The following RNF150 variants were observed in gnomAD, a reference collection of about 807,000 sequenced individuals.
RNF150 encodes ring finger protein 150.
Under a neutral mutation model 39.3 loss-of-function variants are expected in RNF150, and 24 were observed. The ratio of observed to expected loss-of-function variants is 0.61; its 90% confidence interval spans 0.44 to 0.86. The LOEUF (loss-of-function observed/expected upper bound fraction) is 0.86, where lower values mean the gene tolerates loss of function less well. Ranked by LOEUF, RNF150 falls within the 40% of genes least tolerant of loss-of-function variation. The pLI is 0.00. For synonymous variants in RNF150, 255 were observed against 227.3 expected (o/e 1.12, Z -1.10); for missense variants, 502 against 587.8 (o/e 0.85, Z 1.51).
chr4:141,116,252 G>C (rs1340805776), intron 1 of RNF150, among the ~76,000 whole-genome samples: 3 of 152,128 alleles, frequency 2.0e-5, no homozygotes, highest in African/African-American at 7.2e-5. Flanking sequence ...ATATGACAAA[G>C]GGCTAATATC....
At chr4:140,927,687 C>T (rs1368987523) in intron 4 of RNF150, among the ~76,000 whole-genome samples, 6 of 150,050 alleles carry the variant, frequency 4.0e-5, no homozygotes, top group African/African-American at 4.9e-5. Context: ...TTTGCTCTGC[C>T]GCCCAGGCTG....
chr4:141,166,510 T>A (rs145783120), intron 1 of RNF150, among the ~76,000 whole-genome samples: 3 of 152,158 alleles, frequency 2.0e-5, no homozygotes, highest in African/African-American at 7.2e-5. Context: ...TTCAGGCTAA[T>A]ATCCCTGATG....
chr4:141,179,603 G>A (rs1405117016), intron 1 of RNF150, among the ~76,000 whole-genome samples: 1 of 152,068 alleles, frequency 6.6e-6, no homozygotes, highest in Non-Finnish European at 1.5e-5. Flanking sequence ...ATGAGATTTG[G>A]GGAGATTTGT....
At chr4:141,179,650 C>A (rs1355034677) in intron 1 of RNF150, among the ~76,000 whole-genome samples, 1 of 152,124 alleles carries the variant, frequency 6.6e-6, no homozygotes, top group East Asian at 1.9e-4. Flanking sequence ...TGGATGGCCA[C>A]AGACAGAAAT....
chr4:141,020,439 A>G (rs1735450482), intron 1 of RNF150, among the ~76,000 whole-genome samples: 1 of 152,118 alleles, frequency 6.6e-6, no homozygotes, highest in Admixed American at 6.6e-5. Flanking sequence ...AATCCAACTT[A>G]ATCTCTGCTA....
At chr4:140,988,506 T>C (rs1348513470) in intron 1 of RNF150, among the ~76,000 whole-genome samples, 2 of 152,100 alleles carry the variant, frequency 1.3e-5, no homozygotes, top group East Asian at 3.9e-4. Context: ...TATTTTATTA[T>C]ACTTTAAGTT....
chr4:140,977,012 C>T (rs962777950), intron 1 of RNF150, among the ~76,000 whole-genome samples: 6 of 152,054 alleles, frequency 3.9e-5, no homozygotes, highest in Non-Finnish European at 8.8e-5. Flanking sequence ...CTCCCACCCA[C>T]ATTCTAAATC....
Position 141,178,056 on chromosome 4 carries a change from A to G in RNF150, c.-6+34738T>C, listed in dbSNP as rs577364510. ...GGTCAGTTTGATTAGCAGGAAGTAA[A>G]CTAAAAATCTCTAGATTTCATTAAA... On this transcript the variant is annotated intron_variant, in intron 1 of 7. Transcript: ENST00000420921. Among the ~76,000 whole-genome samples the G allele has an allele frequency of 4.6e-5, 7 of 152,310 alleles. No homozygotes were observed. In the South Asian group the frequency reaches 1.0e-3, roughly 23 times the overall value.
At chr4:140,970,190 C>A (rs976408744) in intron 1 of RNF150, among the ~76,000 whole-genome samples, 5 of 152,186 alleles carry the variant, frequency 3.3e-5, no homozygotes, top group Admixed American at 6.5e-5. Flanking sequence ...AAAATAGCTT[C>A]TCAAAACCTT....
At chr4:141,041,074 C>T (rs1736347803) in intron 1 of RNF150, among the ~76,000 whole-genome samples, 1 of 151,942 alleles carries the variant, frequency 6.6e-6, no homozygotes, top group South Asian at 2.1e-4. Context: ...TTGACTATTA[C>T]TATAAACATT....
chr4:141,209,873 A>T (rs921506589), intron 1 of RNF150, among the ~76,000 whole-genome samples: 1 of 152,128 alleles, frequency 6.6e-6, no homozygotes, highest in African/African-American at 2.4e-5. Flanking sequence ...AATTTCTAAT[A>T]TTATTTTAAT....
intron 1 of RNF150, among the ~76,000 whole-genome samples, chr4:141,118,612 G>T (rs935945134): frequency 6.6e-6 from 1 of 152,168 alleles, no homozygotes; most frequent in South Asian, 2.1e-4. Flanking sequence ...AAGCAATATG[G>T]TGGTTACCAA....
intron 1 of RNF150, among the ~76,000 whole-genome samples, chr4:140,971,618 A>G (rs1733468545): frequency 6.6e-6 from 1 of 152,140 alleles, no homozygotes; most frequent in Non-Finnish European, 1.5e-5. Flanking sequence ...ACCAGGACAC[A>G]TATGACCTGG....
chr4:141,030,447 C>T (rs972840397), intron 1 of RNF150, among the ~76,000 whole-genome samples: 27 of 152,220 alleles, frequency 1.8e-4, no homozygotes, highest in African/African-American at 6.0e-4. Context: ...TGATATGATT[C>T]TTCTGGGTAT....
rs769067525 is a variant in RNF150 at position 140,861,715 on chromosome 4, T to C, written c.*6546A>G. 4.6e-5 allele frequency: 7 copies of C among 152,226 alleles called. No homozygotes were observed. Among genetic ancestry groups the C allele is most frequent in the African/African-American group, 1.7e-4 (7 of 41,450 alleles). 9.4% of individuals were successfully genotyped at this position (152,226 alleles called of 1,614,324 possible). A position where few individuals can be genotyped will look rare whatever the true frequency, so the allele number is the denominator to read the frequency against. On this transcript the variant is annotated 3_prime_UTR_variant, in exon 7 of 7. Transcript: ENST00000515673. The stretch of plus-strand genomic sequence containing the variant: ...TTCTTCGAAAGAGCAGGATATACTA[T>C]ATTTAGCTAGCTCTTATACATGAAA...
chr4:141,019,080 A>ATATATATATATG (rs1174014870), intron 1 of RNF150, among the ~76,000 whole-genome samples: 47 of 136,818 alleles, frequency 3.4e-4, no homozygotes, highest in East Asian at 9.3e-4. Context: ...ATATATATAT[A>ATATATATATATG]TGGAACTTTA....
At chr4:140,931,596 G>A (rs942075557) in intron 4 of RNF150, among the ~76,000 whole-genome samples, 2 of 152,174 alleles carry the variant, frequency 1.3e-5, no homozygotes, top group African/African-American at 4.8e-5. Flanking sequence ...GGATTCACAG[G>A]ATAGCAGTGA....
At chr4:141,164,234 A>C (rs1440581251) in intron 1 of RNF150, among the ~76,000 whole-genome samples, 1 of 151,890 alleles carries the variant, frequency 6.6e-6, no homozygotes, top group Non-Finnish European at 1.5e-5. Context: ...TGAAAAAAAA[A>C]CATGAAGACA....
intron 1 of RNF150, among the ~76,000 whole-genome samples, chr4:141,051,087 G>A (rs1413580480): frequency 6.6e-6 from 1 of 152,198 alleles, no homozygotes; most frequent in African/African-American, 2.4e-5. Flanking sequence ...CCACAGGGAA[G>A]GTGCCAGGCT....
Sources: allele counts gnomAD v4.1 joint callset (sites outside exome capture counted in the v4.1 genomes callset), GRCh38; gene constraint gnomAD v4.1.1; transcripts MANE v1.5; gene names NCBI Gene and HGNC (gene_info 2026-07-23, HGNC 2026-07-21).